Variants in ASB3 observed in about 807,000 individuals in gnomAD.
The protein encoded by ASB3 is ankyrin repeat and SOCS box protein 3.
In ASB3, 41 loss-of-function variants were observed where a neutral mutation model predicts 54.5. That is an observed-to-expected ratio of 0.75 (90% CI 0.59 to 0.98). ASB3 has a LOEUF of 0.98. Ranked by LOEUF, ASB3 falls within the 50% of genes least tolerant of loss-of-function variation. The probability of loss-of-function intolerance (pLI) is 0.00; values close to 1 mark genes in which losing one functional copy is unlikely to be tolerated. For missense variants in ASB3, 733 were observed against 620.0 expected, an observed-to-expected ratio of 1.18 and a Z score of -1.94; for synonymous variants, 266 against 221.2, an observed-to-expected ratio of 1.20 and a Z score of -1.80.
chr2:53,753,654 T>A (rs1390068497), intron 2 of ASB3, among the ~76,000 whole-genome samples: 1 of 149,914 alleles, frequency 6.7e-6, no homozygotes, highest in Non-Finnish European at 1.5e-5. Flanking sequence ...TTCTTTCTGT[T>A]TTTTTTTTTT....
intron 9 of ASB3, among the ~76,000 whole-genome samples, chr2:53,672,476 C>T (rs1448842767): frequency 1.3e-5 from 2 of 152,112 alleles, no homozygotes; most frequent in Non-Finnish European, 2.9e-5. Context: ...CTGCAAACAC[C>T]ACCGTTTTCC....
intron 7 of ASB3, among the ~76,000 whole-genome samples, chr2:53,704,222 T>A (rs535483574): frequency 6.6e-6 from 1 of 152,104 alleles, no homozygotes; most frequent in African/African-American, 2.4e-5. Flanking sequence ...TAGCCAGGCG[T>A]GGTGGCATAT....
chr2:53,692,287 A>G (rs777480237), intron 9 of ASB3, among the ~76,000 whole-genome samples: 9 of 152,156 alleles, frequency 5.9e-5, no homozygotes, highest in Non-Finnish European at 1.2e-4. Context: ...AAAACAGAAG[A>G]ATTTGTAGGA....
chr2:53,768,212 TC>T, intron 1 of ASB3: 1 of 623,624 alleles, frequency 1.6e-6, no homozygotes, highest in Admixed American at 3.2e-5. Flanking sequence ...GGGCACTCCT[TC>T]CGAAGCTGCT....
intron 5 of ASB3, among the ~76,000 whole-genome samples, chr2:53,717,982 G>C (rs1024252528): frequency 6.6e-6 from 1 of 151,820 alleles, no homozygotes; most frequent in South Asian, 2.1e-4. Flanking sequence ...AACCCAGTCA[G>C]ATAAAAATAA....
chr2:53,767,816 G>T, intron 1 of ASB3: 5 of 1,533,630 alleles, frequency 3.3e-6, no homozygotes, highest in Non-Finnish European at 4.4e-6. Context: ...TCGCTTACCG[G>T]AGGCTTCAGT....
At chr2:53,772,988 G>A (rs1177253134) in intron 1 of ASB3, among the ~76,000 whole-genome samples, 1 of 151,904 alleles carries the variant, frequency 6.6e-6, no homozygotes, top group Non-Finnish European at 1.5e-5. Context: ...ATTTTATTGG[G>A]GTACAGATTC....
intron 6 of ASB3, 112 bp downstream of exon 6, chr2:53,716,454 T>A (rs1035482247): frequency 7.5e-7 from 1 of 1,331,204 alleles, no homozygotes; most frequent in Non-Finnish European, 1.0e-6. Context: ...AGCAGATTGG[T>A]AGGGAAGAGA....
chr2:53,737,676 T>C (rs1285167987), intron 3 of ASB3, among the ~76,000 whole-genome samples: 1 of 146,164 alleles, frequency 6.8e-6, no homozygotes, highest in Admixed American at 7.0e-5. Flanking sequence ...GGGAAGGATG[T>C]CTCCAAGCTT....
intron 8 of ASB3, among the ~76,000 whole-genome samples, chr2:53,698,856 G>C (rs985229166): frequency 1.3e-5 from 2 of 152,130 alleles, no homozygotes; most frequent in African/African-American, 2.4e-5. Context: ...CGGAAATATA[G>C]GCTTTTTCTA....
At chr2:53,757,185 G>A (rs1004577899) in intron 2 of ASB3, among the ~76,000 whole-genome samples, 2 of 152,198 alleles carry the variant, frequency 1.3e-5, no homozygotes, top group African/African-American at 4.8e-5. Flanking sequence ...CCTTAGAATT[G>A]GAGGAAAATA....
intron 3 of ASB3, among the ~76,000 whole-genome samples, chr2:53,739,266 T>G (rs778573401): frequency 8.5e-5 from 13 of 152,178 alleles, no homozygotes; most frequent in Non-Finnish European, 1.9e-4. Context: ...CACAAAACTT[T>G]TGACCAAAAT....
chr2:53,776,874 A>G (rs963899889), intron 1 of ASB3, among the ~76,000 whole-genome samples: 2 of 152,126 alleles, frequency 1.3e-5, no homozygotes, highest in Non-Finnish European at 2.9e-5. Flanking sequence ...AGACTCAAAG[A>G]TTTTGTAATC....
In ASB3 at chr2:53,735,023, G is replaced by A. The variant is rs568994820; in HGVS notation, c.356-5453C>T. On this transcript the variant is annotated intron_variant, in intron 3 of 9. Coordinates refer to ENST00000263634, the MANE Select transcript of ASB3 (RefSeq NM_016115.5). Reference sequence around the variant, plus strand: ...CAACCTCCACCTCCCAGGTTGAAGCGAATCTCCTGCCTCAGCCTCCCTAGT... The same window carrying A: ...CAACCTCCACCTCCCAGGTTGAAGCAAATCTCCTGCCTCAGCCTCCCTAGT... Among the ~76,000 whole-genome samples, 21 of 150,262 alleles carry A rather than the reference G, an allele frequency of 1.4e-4. No homozygotes were observed. In the South Asian group the frequency reaches 2.6e-3, roughly 18 times the overall value.
chr2:53,711,258 A>G (rs531190779), intron 7 of ASB3, among the ~76,000 whole-genome samples: 17 of 152,342 alleles, frequency 1.1e-4, no homozygotes, highest in Non-Finnish European at 2.2e-4. Context: ...CTTCTCCAAG[A>G]TTCCCTACCA....
chr2:53,782,308 G>A (rs1674694957), intron 1 of ASB3, among the ~76,000 whole-genome samples: 2 of 152,172 alleles, frequency 1.3e-5, no homozygotes, highest in Non-Finnish European at 2.9e-5. Flanking sequence ...AGAGAAAGCA[G>A]GTAGGATTAT....
chr2:53,688,758 G>A (rs1314760674), intron 9 of ASB3, among the ~76,000 whole-genome samples: 1 of 152,024 alleles, frequency 6.6e-6, no homozygotes, highest in Non-Finnish European at 1.5e-5. Flanking sequence ...CACAGGGAGG[G>A]GAACATCACA....
intron 1 of ASB3, among the ~76,000 whole-genome samples, chr2:53,777,489 A>G (rs773093503): frequency 3.3e-5 from 5 of 152,172 alleles, no homozygotes; most frequent in Admixed American, 6.5e-5. Flanking sequence ...CTAGGCTTCA[A>G]TTTTACTTGG....
chr2:53,748,884 T>C (rs965631909), intron 3 of ASB3, among the ~76,000 whole-genome samples: 2 of 152,146 alleles, frequency 1.3e-5, no homozygotes, highest in Non-Finnish European at 2.9e-5. Context: ...AATACTATTC[T>C]ATCCATGTTA....
Sources: gnomAD v4.1 joint callset for allele counts (sites outside exome capture counted in the v4.1 genomes callset) on GRCh38, gnomAD v4.1.1 for gene constraint, MANE v1.5 for transcripts, NCBI Gene and HGNC (gene_info 2026-07-23, HGNC 2026-07-21) for gene names.